Variants in SLCO1B1 observed in about 807,000 individuals in gnomAD.
The protein encoded by SLCO1B1 is OATP-2.
Under a neutral mutation model 70.1 loss-of-function variants are expected in SLCO1B1, and 81 were observed. The observed-to-expected ratio is 1.16, with a 90% CI of 0.97 to 1.39. The LOEUF (loss-of-function observed/expected upper bound fraction) is 1.39. SLCO1B1 is among the 40% of genes most tolerant of loss of function. The pLI is 0.00. For synonymous variants in SLCO1B1, 283 were observed against 271.5 expected (o/e 1.04, Z -0.42); for missense variants, 895 against 799.6 (o/e 1.12, Z -1.44).
At chr12:21,171,474 G>A (rs931676403) in intron 2 of SLCO1B1, among the ~76,000 whole-genome samples, 1 of 152,154 alleles carries the variant, frequency 6.6e-6, no homozygotes, top group Admixed American at 6.5e-5. Context: ...GGAAAACAGA[G>A]GGGCAGCATG....
chr12:21,148,070 G>A (rs1308918333), intron 2 of SLCO1B1, among the ~76,000 whole-genome samples: 2 of 152,134 alleles, frequency 1.3e-5, no homozygotes, highest in East Asian at 3.9e-4. Flanking sequence ...TTTCTTTCTT[G>A]TAAATTTGTT....
At chr12:21,134,536 G>T (rs562217480) in intron 1 of SLCO1B1, among the ~76,000 whole-genome samples, 49 of 152,086 alleles carry the variant, frequency 3.2e-4, no homozygotes, top group African/African-American at 1.1e-3. Flanking sequence ...ATTCAGAGAT[G>T]CAACTTCTTC....
chr12:21,221,127 A>C (rs185436450), intron 12 of SLCO1B1, among the ~76,000 whole-genome samples: 5 of 152,296 alleles, frequency 3.3e-5, no homozygotes, highest in Admixed American at 1.3e-4. Flanking sequence ...TCATGACAAA[A>C]ATCCTCAACA....
intron 11 of SLCO1B1, 38 bp from the exon 12 acceptor site, chr12:21,217,081 C>A (rs766900647): frequency 1.3e-6 from 2 of 1,570,268 alleles, no homozygotes; most frequent in South Asian, 2.2e-5. Flanking sequence ...TTAGGTCTTG[C>A]AAATTTCTTA....
At chr12:21,144,083 A>G (rs1157620356) in intron 2 of SLCO1B1, among the ~76,000 whole-genome samples, 1 of 152,122 alleles carries the variant, frequency 6.6e-6, no homozygotes, top group Non-Finnish European at 1.5e-5. Flanking sequence ...ACCTGCTAGT[A>G]TATGTTTCAT....
intron 7 of SLCO1B1, among the ~76,000 whole-genome samples, chr12:21,189,515 T>C (rs1941004203): frequency 6.6e-6 from 1 of 152,082 alleles, no homozygotes; most frequent in Non-Finnish European, 1.5e-5. Context: ...TTGTGTGATC[T>C]CAGCTCACTG....
At chr12:21,132,897 A>G (rs911784081) in intron 1 of SLCO1B1, among the ~76,000 whole-genome samples, 2 of 152,112 alleles carry the variant, frequency 1.3e-5, no homozygotes, top group African/African-American at 4.8e-5. Flanking sequence ...TTAGACATGA[A>G]GTCCTTGCCC....
intron 5 of SLCO1B1, among the ~76,000 whole-genome samples, chr12:21,177,881 G>T (rs1192375191): frequency 6.6e-6 from 1 of 152,010 alleles, no homozygotes; most frequent in Non-Finnish European, 1.5e-5. Context: ...TGGAACAATT[G>T]TTATAATATG....
chr12:21,228,091 A>C (rs1268090446), intron 14 of SLCO1B1, among the ~76,000 whole-genome samples: 1 of 152,092 alleles, frequency 6.6e-6, no homozygotes, highest in Non-Finnish European at 1.5e-5. Context: ...TCATCCCAAG[A>C]CTTTAAGATT....
chr12:21,237,806 C>T (rs978085313), intron 14 of SLCO1B1, among the ~76,000 whole-genome samples: 1 of 151,910 alleles, frequency 6.6e-6, no homozygotes, highest in African/African-American at 2.4e-5. Flanking sequence ...CCCCCGCCTC[C>T]CGAGTTCAAG....
At chr12:21,206,646 A>G (rs1941218379) in intron 11 of SLCO1B1, among the ~76,000 whole-genome samples, 1 of 151,888 alleles carries the variant, frequency 6.6e-6, no homozygotes, top group South Asian at 2.1e-4. Flanking sequence ...AATATGTCCC[A>G]TAGAAATGTC....
At chr12:21,131,327 C>T (rs78729664) in intron 1 of SLCO1B1, 91 bp downstream of exon 1, 39 of 152,096 alleles carry the variant, frequency 2.6e-4, no homozygotes, top group African/African-American at 7.9e-4. Context: ...AAAAATATTA[C>T]GAATTTTATG....
chr12:21,190,301 G>C (rs752985631), intron 7 of SLCO1B1, among the ~76,000 whole-genome samples: 1 of 152,136 alleles, frequency 6.6e-6, no homozygotes, highest in Non-Finnish European at 1.5e-5. Context: ...CCAGCCTTTC[G>C]GCATTATGTC....
At chr12:21,178,019 G>C (rs1285512490) in intron 5 of SLCO1B1, among the ~76,000 whole-genome samples, 1 of 152,124 alleles carries the variant, frequency 6.6e-6, no homozygotes, top group African/African-American at 2.4e-5. Context: ...GTGATCTTCT[G>C]TGTGTAATGT....
At chr12:21,171,040 G>A (rs1302628730) in intron 2 of SLCO1B1, among the ~76,000 whole-genome samples, 1 of 152,186 alleles carries the variant, frequency 6.6e-6, no homozygotes, top group East Asian at 1.9e-4. Flanking sequence ...GACTTGATGG[G>A]GCTAATATTC....
chr12:21,156,354 T>C lies in SLCO1B1; in HGVS notation c.84+14696T>C, dbSNP rs576176900. On this transcript the variant is annotated intron_variant, in intron 2 of 14. Coordinates refer to ENST00000256958, the MANE Select transcript of SLCO1B1 (RefSeq NM_006446.5). The stretch of plus-strand genomic sequence containing the variant: ...TGTTCATCTTTTAAGTAAAAGAACC[T>C]TAAAATTTGTAAGCAGCTAAATCTA... Among the ~76,000 whole-genome samples the C allele has an allele frequency of 2.5e-4, 38 of 152,276 alleles. 1 individual carries two copies. Among genetic ancestry groups the C allele is most frequent in the Middle Eastern group, 3.4e-3 (1 of 294 alleles).
intron 1 of SLCO1B1, among the ~76,000 whole-genome samples, chr12:21,132,627 A>G (rs1353038024): frequency 1.3e-5 from 2 of 152,118 alleles, no homozygotes; most frequent in South Asian, 2.1e-4. Context: ...GGCTGCATAA[A>G]TGTCTTCTGT....
At chr12:21,205,438 A>G (rs1941204500) in intron 10 of SLCO1B1, among the ~76,000 whole-genome samples, 2 of 151,932 alleles carry the variant, frequency 1.3e-5, no homozygotes, top group Non-Finnish European at 2.9e-5. Context: ...ACCTAGTTAA[A>G]TAGCATTCGT....
At chr12:21,142,331 AT>A (rs1940322358) in intron 2 of SLCO1B1, among the ~76,000 whole-genome samples, 1 of 151,976 alleles carries the variant, frequency 6.6e-6, no homozygotes, top group African/African-American at 2.4e-5. Flanking sequence ...CCTAAGCACA[AT>A]GCTAAATGAG....
Sources: allele counts gnomAD v4.1 joint callset (sites outside exome capture counted in the v4.1 genomes callset), GRCh38; gene constraint gnomAD v4.1.1; transcripts MANE v1.5; gene names NCBI Gene and HGNC (gene_info 2026-07-23, HGNC 2026-07-21).